Variants in JAZF1 observed in about 807,000 individuals in gnomAD.
JAZF1 encodes the protein juxtaposed with another zinc finger protein 1.
A neutral mutation model predicts 26.4 loss-of-function variants in JAZF1; 8 were observed. The ratio of observed to expected loss-of-function variants is 0.30; its 90% CI spans 0.18 to 0.55. The LOEUF (loss-of-function observed/expected upper bound fraction) is 0.55. Ranked by LOEUF, JAZF1 falls within the 20% of genes least tolerant of loss-of-function variation. JAZF1 has a pLI of 0.94. For synonymous variants in JAZF1, 126 were observed against 122.3 expected (o/e 1.03, Z -0.20); for missense variants, 199 against 322.0 (o/e 0.62, Z 2.92).
intron 1 of JAZF1, among the ~76,000 whole-genome samples, chr7:28,137,795 T>C (rs1223367039): frequency 6.6e-6 from 1 of 152,166 alleles, no homozygotes; most frequent in African/African-American, 2.4e-5. Context: ...AGGAATTCCA[T>C]TATTAGTGTG....
At chr7:27,834,344 G>A (rs1247739505) in intron 4 of JAZF1, among the ~76,000 whole-genome samples, 3 of 152,186 alleles carry the variant, frequency 2.0e-5, no homozygotes, top group African/African-American at 7.2e-5. Context: ...CAGTACACAT[G>A]AATGCTTTTT....
intron 2 of JAZF1, among the ~76,000 whole-genome samples, chr7:27,934,842 A>C (rs1425762092): frequency 6.6e-6 from 1 of 152,216 alleles, no homozygotes; most frequent in Non-Finnish European, 1.5e-5. Flanking sequence ...ACAAAAGAAA[A>C]AACTAGATAA....
chr7:27,953,299 T>C (rs941961589), intron 2 of JAZF1, among the ~76,000 whole-genome samples: 4 of 152,258 alleles, frequency 2.6e-5, no homozygotes, highest in Non-Finnish European at 4.4e-5. Flanking sequence ...TTTTGTTAAC[T>C]ATAGCCAAGA....
chr7:28,040,756 G>C (rs1257426075), intron 1 of JAZF1, among the ~76,000 whole-genome samples: 1 of 152,154 alleles, frequency 6.6e-6, no homozygotes, highest in East Asian at 1.9e-4. Context: ...GCAATTCCAT[G>C]ATCGCCCAGA....
intron 2 of JAZF1, among the ~76,000 whole-genome samples, chr7:27,915,278 A>T (rs889040683): frequency 6.6e-6 from 1 of 152,322 alleles, no homozygotes; most frequent in Non-Finnish European, 1.5e-5. Context: ...GCTGTAATAA[A>T]TCACCAAATT....
At chr7:27,870,075 ATTTTTT>A (rs371770357) in intron 3 of JAZF1, among the ~76,000 whole-genome samples, 73 of 120,644 alleles carry the variant, frequency 6.1e-4, no homozygotes, top group South Asian at 1.1e-3. Context: ...CACCCGGTTA[ATTTTTT>A]TTTTTTTTTT....
chr7:27,930,490 CAAG>C (rs1336060778), intron 2 of JAZF1, among the ~76,000 whole-genome samples: 2 of 152,074 alleles, frequency 1.3e-5, no homozygotes, highest in African/African-American at 2.4e-5. Context: ...CCTTTTCTCC[CAAG>C]AAGAACACAT....
chr7:28,177,026 C>T (rs1292297759), intron 1 of JAZF1, among the ~76,000 whole-genome samples: 2 of 152,136 alleles, frequency 1.3e-5, no homozygotes, highest in African/African-American at 4.8e-5. Context: ...TTTCCCATCT[C>T]CATGTAACAG....
chr7:27,950,575 C>T (rs982860855), intron 2 of JAZF1, among the ~76,000 whole-genome samples: 1 of 152,192 alleles, frequency 6.6e-6, no homozygotes, highest in African/African-American at 2.4e-5. Context: ...TGACACTAAC[C>T]CTAATGATCT....
At chr7:28,019,107 A>G (rs188135357) in intron 1 of JAZF1, among the ~76,000 whole-genome samples, 82 of 152,318 alleles carry the variant, frequency 5.4e-4, no homozygotes, top group African/African-American at 1.9e-3. Context: ...ATCCTTGCCA[A>G]GTTCTTCACA....
chr7:27,845,548 T>A (rs2128332541), intron 3 of JAZF1, among the ~76,000 whole-genome samples: 1 of 151,562 alleles, frequency 6.6e-6, no homozygotes, highest in East Asian at 1.9e-4. Context: ...AATACAAAAA[T>A]TAGCTGAACG....
chr7:28,156,567 C>T (rs1021871856), intron 1 of JAZF1, among the ~76,000 whole-genome samples: 3 of 152,148 alleles, frequency 2.0e-5, no homozygotes, highest in Admixed American at 6.5e-5. Flanking sequence ...TATGAATTAA[C>T]GCTACATCTT....
At chr7:27,928,165 T>C (rs147161040) in intron 2 of JAZF1, among the ~76,000 whole-genome samples, 185 of 152,344 alleles carry the variant, frequency 1.2e-3, no homozygotes, top group African/African-American at 4.3e-3. Flanking sequence ...CTCATAGCTT[T>C]TGGAAGTCTG....
intron 1 of JAZF1, among the ~76,000 whole-genome samples, chr7:28,116,301 A>T (rs764154194): frequency 6.6e-6 from 1 of 152,254 alleles, no homozygotes; most frequent in Non-Finnish European, 1.5e-5. Context: ...CAACTGGTCA[A>T]CAATTTCTAA....
At chr7:27,833,225 G>A (rs1782741938) in intron 4 of JAZF1, 1 of 272,044 alleles carries the variant, frequency 3.7e-6, no homozygotes, top group Non-Finnish European at 6.9e-6. Context: ...TGAAAGTACT[G>A]ATTTCTTCCA....
At chr7:28,164,869 T>C (rs1554292840) in intron 1 of JAZF1, among the ~76,000 whole-genome samples, 1 of 152,196 alleles carries the variant, frequency 6.6e-6, no homozygotes, top group Non-Finnish European at 1.5e-5. Context: ...CCAAACATTA[T>C]TTTTAATACA....
In JAZF1 at chr7:27,988,920, T is replaced by TAAAA. The variant is rs57661404; in HGVS notation, c.188+2985_188+2988dup. 2.1e-3 allele frequency among the ~76,000 whole-genome samples: 175 copies of TAAAA among 83,704 alleles called. 2 individuals carry two copies. The South Asian group carries it at 0.025, about 12-fold the overall frequency. 54.9% of individuals were successfully genotyped at this position (83,704 alleles called of 152,430 possible). Reference sequence around the variant, plus strand: ...TTTTTTAAATTAAAAAGAATCTCTGTAAAAAAAAAAAAAAAAAAAAAAAAG... The same window carrying TAAAA: ...TTTTTTAAATTAAAAAGAATCTCTGTAAAAAAAAAAAAAAAAAAAAAAAAAAAAG... On this transcript the variant is annotated intron_variant, in intron 2 of 4. Transcript: ENST00000283928.
intron 1 of JAZF1, among the ~76,000 whole-genome samples, chr7:28,075,040 C>A (rs1583546147): frequency 2.0e-5 from 3 of 152,212 alleles, no homozygotes; most frequent in Middle Eastern, 6.8e-3. Context: ...CCTCAGAAAC[C>A]AAGCAGGCAA....
chr7:27,912,816 C>T (rs1367825094), intron 2 of JAZF1, among the ~76,000 whole-genome samples: 2 of 152,050 alleles, frequency 1.3e-5, no homozygotes, highest in Non-Finnish European at 1.5e-5. Context: ...AGAAAGTGCA[C>T]AAACAGAAGG....
Sources: allele counts gnomAD v4.1 joint callset (sites outside exome capture counted in the v4.1 genomes callset), GRCh38; gene constraint gnomAD v4.1.1; transcripts MANE v1.5; gene names NCBI Gene and HGNC (gene_info 2026-07-23, HGNC 2026-07-21).